Variants in EPM2A observed in about 807,000 individuals in gnomAD.
EPM2A encodes EPM2A glucan phosphatase, laforin.
In EPM2A, 21 loss-of-function variants were observed where a neutral mutation model predicts 26.5. The ratio of observed to expected loss-of-function variants is 0.79; its 90% confidence interval spans 0.56 to 1.14. The LOEUF (loss-of-function observed/expected upper bound fraction) is 1.14. EPM2A is among the 50% of genes most tolerant of loss of function. The pLI is 0.00. For missense variants in EPM2A, 458 were observed against 440.8 expected, an observed-to-expected ratio of 1.04 and a Z score of -0.35; for synonymous variants, 217 against 177.6, an observed-to-expected ratio of 1.22 and a Z score of -1.76.
At chr6:145,568,551 G>A (rs911297647) in intron 2 of EPM2A, among the ~76,000 whole-genome samples, 3 of 152,006 alleles carry the variant, frequency 2.0e-5, no homozygotes, top group South Asian at 2.1e-4. Flanking sequence ...TCGAACTCCC[G>A]ACCTCAGATG....
chr6:145,562,194 T>C (rs1308394523), intron 2 of EPM2A, among the ~76,000 whole-genome samples: 3 of 151,652 alleles, frequency 2.0e-5, no homozygotes, highest in African/African-American at 7.3e-5. Flanking sequence ...AATTAACATA[T>C]GCATTACCTC....
At chr6:145,688,116 AT>A (rs1410937538) in intron 1 of EPM2A, among the ~76,000 whole-genome samples, 2 of 152,192 alleles carry the variant, frequency 1.3e-5, no homozygotes, top group Non-Finnish European at 2.9e-5. Context: ...GAACTCAGAT[AT>A]TTATCATAAG....
chr6:145,482,417 C>T (rs1483200665), intron 4 of EPM2A, among the ~76,000 whole-genome samples: 1 of 152,022 alleles, frequency 6.6e-6, no homozygotes, highest in Non-Finnish European at 1.5e-5. Context: ...GCTCTTTTTG[C>T]TTGATCTACT....
At chr6:145,657,475 T>C (rs1778383745) in intron 2 of EPM2A, among the ~76,000 whole-genome samples, 1 of 152,228 alleles carries the variant, frequency 6.6e-6, no homozygotes, top group African/African-American at 2.4e-5. Flanking sequence ...AGGTTCTTCT[T>C]CCTATTTAAC....
chr6:145,506,171 A>T (rs1376723540), intron 2 of EPM2A, among the ~76,000 whole-genome samples: 1 of 152,222 alleles, frequency 6.6e-6, no homozygotes, highest in African/African-American at 2.4e-5. Context: ...TAGGGAGCAT[A>T]GTTGATTTGT....
chr6:145,699,786 G>A (rs1406461148), intron 1 of EPM2A, among the ~76,000 whole-genome samples: 1 of 152,032 alleles, frequency 6.6e-6, no homozygotes, highest in Non-Finnish European at 1.5e-5. Flanking sequence ...AACCATTACT[G>A]TATTTAAGAA....
chr6:145,687,530 T>C (rs533503717), intron 1 of EPM2A, among the ~76,000 whole-genome samples: 23 of 152,172 alleles, frequency 1.5e-4, no homozygotes, highest in Non-Finnish European at 3.1e-4. Context: ...ATCATGCCTC[T>C]CTTTATACTA....
intron 2 of EPM2A, among the ~76,000 whole-genome samples, chr6:145,537,649 T>C (rs1040707999): frequency 2.0e-5 from 3 of 149,454 alleles, no homozygotes; most frequent in Non-Finnish European, 4.4e-5. Flanking sequence ...GTACGTTACA[T>C]AGGTATACAT....
intron 2 of EPM2A, among the ~76,000 whole-genome samples, chr6:145,673,113 A>G (rs936899989): frequency 1.3e-5 from 2 of 152,180 alleles, no homozygotes; most frequent in African/African-American, 4.8e-5. Flanking sequence ...TCAGGGAAAG[A>G]AATTTGTTTT....
intron 1 of EPM2A, among the ~76,000 whole-genome samples, chr6:145,723,120 T>G (rs988993352): frequency 6.6e-6 from 1 of 152,192 alleles, no homozygotes; most frequent in African/African-American, 2.4e-5. Context: ...TTCAAAATTT[T>G]TATATCAAAT....
chr6:145,675,259 C>G (rs1231438027), intron 2 of EPM2A, among the ~76,000 whole-genome samples: 1 of 152,192 alleles, frequency 6.6e-6, no homozygotes, highest in East Asian at 1.9e-4. Flanking sequence ...ATCACAAGGC[C>G]TGCCTTACAA....
At chr6:145,506,911 C>T (rs1779983921) in intron 2 of EPM2A, among the ~76,000 whole-genome samples, 2 of 152,176 alleles carry the variant, frequency 1.3e-5, no homozygotes, top group South Asian at 4.1e-4. Context: ...CAAATAGGGT[C>T]CAGGATGCTT....
At chr6:145,519,842 G>A (rs1298728176) in intron 2 of EPM2A, among the ~76,000 whole-genome samples, 1 of 152,116 alleles carries the variant, frequency 6.6e-6, no homozygotes, top group Non-Finnish European at 1.5e-5. Flanking sequence ...CCTATCATTA[G>A]CCGCATTCTG....
chr6:145,581,337 A>T (rs1236748284), intron 2 of EPM2A, among the ~76,000 whole-genome samples: 1 of 151,726 alleles, frequency 6.6e-6, no homozygotes, highest in Non-Finnish European at 1.5e-5. Context: ...GTCTGTTTTT[A>T]ATGGGGTTGT....
At chr6:145,663,247 T>TG (rs1219608592) in intron 2 of EPM2A, among the ~76,000 whole-genome samples, 1 of 152,012 alleles carries the variant, frequency 6.6e-6, no homozygotes, top group Non-Finnish European at 1.5e-5. Flanking sequence ...TAATAATAAT[T>TG]GGGGGGAACT....
At chr6:145,592,800 A>G (rs1386136651) in intron 2 of EPM2A, among the ~76,000 whole-genome samples, 1 of 152,184 alleles carries the variant, frequency 6.6e-6, no homozygotes, top group Non-Finnish European at 1.5e-5. Context: ...TTAAAGAAGC[A>G]TAATGATACA....
At chr6:145,417,478 G>A (rs1778724468) in intron 4 of EPM2A, among the ~76,000 whole-genome samples, 1 of 152,102 alleles carries the variant, frequency 6.6e-6, no homozygotes, top group Non-Finnish European at 1.5e-5. Context: ...ATTCTATTCA[G>A]TAAGTGTGTT....
At chr6:145,667,837 A>G (rs1338271719) in intron 2 of EPM2A, among the ~76,000 whole-genome samples, 3 of 148,798 alleles carry the variant, frequency 2.0e-5, no homozygotes, top group African/African-American at 5.0e-5. Flanking sequence ...TGCAGCCATA[A>G]AAAATGATGA....
At chr6:145,538,180 A>C (rs1780459186) in intron 2 of EPM2A, among the ~76,000 whole-genome samples, 1 of 152,106 alleles carries the variant, frequency 6.6e-6, no homozygotes, top group Non-Finnish European at 1.5e-5. Context: ...GAATCACCAC[A>C]CTGTCTTCCA....
Sources: gnomAD v4.1 joint callset for allele counts (sites outside exome capture counted in the v4.1 genomes callset) on GRCh38, gnomAD v4.1.1 for gene constraint, MANE v1.5 for transcripts, NCBI Gene and HGNC (gene_info 2026-07-23, HGNC 2026-07-21) for gene names.